Variants in GTF3C1 observed in about 807,000 individuals in gnomAD.
The protein encoded by GTF3C1 is general transcription factor IIIC subunit 1, also known as general transcription factor 3C polypeptide 1.
In GTF3C1, 57 loss-of-function variants were observed where a neutral mutation model predicts 226.7. That is an observed-to-expected ratio of 0.25 (90% confidence interval 0.20 to 0.31). The LOEUF is 0.31. GTF3C1 is among the 10% of genes least tolerant of loss of function. The pLI, the probability that GTF3C1 is intolerant of heterozygous loss-of-function variation, is 1.00. For synonymous variants in GTF3C1, 1,090 were observed against 1,084.8 expected, an observed-to-expected ratio of 1.00 and a Z score of -0.09; for missense variants, 2,217 against 2,776.1, an observed-to-expected ratio of 0.80 and a Z score of 4.53.
At chr16:27,516,798 C>CT (rs1567406811) in intron 6 of GTF3C1, among the ~76,000 whole-genome samples, 1 of 152,050 alleles carries the variant, frequency 6.6e-6, no homozygotes, top group African/African-American at 2.4e-5. Flanking sequence ...ATGCTCGGAT[C>CT]TTTTTTTTAT....
Position 27,488,303 on chromosome 16 carries a change from T to A in GTF3C1, c.3624A>T (p.Arg1208Ser). ...DREPSLDRNR[R>S]VRGGKSQKRK... ...GCTTCTGGCTTTTCCCACCCCTCAC[T>A]CTCCGGTTTCGGTCCAGCGAGGGCT... Residue 1208 changes from arginine (R) to serine (S), a missense_variant, in exon 23 of 37, where the codon AGA (arginine) becomes AGT (serine). By Grantham distance (110) the Arg-to-Ser change is moderately radical. This residue lies in a region of GTF3C1 where 546 missense variants were observed against 663.0 expected (regional missense o/e 0.82). Coordinates refer to ENST00000356183, the MANE Select transcript of GTF3C1 (RefSeq NM_001520.4). The A allele has an allele frequency of 6.2e-7, 1 of 1,614,184 alleles. No individual in the cohort carries two copies. The highest frequency in any genetic ancestry group is 2.2e-5 in the East Asian group (1 of 44,880).
chr16:27,482,568 C>A (rs2088071080), intron 26 of GTF3C1: 1 of 455,986 alleles, frequency 2.2e-6, no homozygotes, highest in Admixed American at 2.3e-5. Context: ...TCACTTGGCA[C>A]AAGTCCTGCC....
At position 27,533,372 on chromosome 16, in the gene GTF3C1, G is replaced by A. The variant is rs1567413414; in HGVS notation, c.768C>T (p.Asp256=). 1 of 1,597,776 alleles carries A rather than the reference G, an allele frequency of 6.3e-7. No homozygotes were observed. The highest frequency in any genetic ancestry group is 1.7e-5 in the Admixed American group (1 of 59,978). ...TGACCGAAAGCTTCTCCATGAGGATGTCGTATTTGCTCCTCCTGCAAGAAA... is the reference window on the plus strand; with the variant it reads ...TGACCGAAAGCTTCTCCATGAGGATATCGTATTTGCTCCTCCTGCAAGAAA... ...RFHVDRRSKY[D]ILMEKLSVML... Residue 256 remains aspartate, a synonymous_variant, in exon 5 of 37, where the codon GAC becomes GAT. Coordinates refer to ENST00000356183, the MANE Select transcript of GTF3C1 (RefSeq NM_001520.4).
chr16:27,546,485 T>TTTAA (rs1555505898), intron 1 of GTF3C1, among the ~76,000 whole-genome samples: 2 of 88,596 alleles, frequency 2.3e-5, no homozygotes, highest in Admixed American at 1.1e-4. Flanking sequence ...TTTTTTTTTT[T>TTTAA]GAAAAAAAAA....
chr16:27,497,541 C>A (rs574832415), intron 14 of GTF3C1, 96 bp downstream of exon 14: 1 of 951,712 alleles, frequency 1.1e-6, no homozygotes, highest in Non-Finnish European at 1.6e-6. Context: ...CTGACTGCGG[C>A]TCGGAGCTCA....
At position 27,497,578 on chromosome 16, in the gene GTF3C1, A is replaced by G. The variant is rs1448214035; in HGVS notation, c.2350+59T>C. The G allele has an allele frequency of 3.5e-6, 5 of 1,423,170 alleles. No individual in the cohort carries two copies. In the Admixed American group the frequency reaches 5.3e-5, roughly 15 times the overall value. The allele number at this position is 1,423,170 out of a possible 1,614,324, so 88.2% of individuals were successfully genotyped here. On this transcript the variant is annotated intron_variant, in intron 14 of 36. Coordinates refer to ENST00000356183, the MANE Select transcript of GTF3C1 (RefSeq NM_001520.4). ...ATGGAGAGGACCAAGTGCCTCAAACATTGTCATACAAACAACAAATCAAAT... is the reference window on the plus strand; with the variant it reads ...ATGGAGAGGACCAAGTGCCTCAAACGTTGTCATACAAACAACAAATCAAAT...
At position 27,461,566 on chromosome 16, in the gene GTF3C1, G is replaced by T; in HGVS notation, c.6118-4C>A. ...TGCAGCCGAGGGACTCCAGGCCCTGGAGACACCAGACACACAGGTTACAGC... is the reference window on the plus strand; with the variant it reads ...TGCAGCCGAGGGACTCCAGGCCCTGTAGACACCAGACACACAGGTTACAGC... On this transcript the variant is annotated splice_region_variant and splice_polypyrimidine_tract_variant and intron_variant, in intron 36 of 36. Transcript: ENST00000356183. This position sits in a 1 kb window ranked among gnomAD's most constrained non-coding sequence, Gnocchi z 5.3. 1 of 1,608,582 alleles carries T rather than the reference G, an allele frequency of 6.2e-7. No homozygotes were observed. The highest frequency in any genetic ancestry group is 8.5e-7 in the Non-Finnish European group (1 of 1,175,646).
chr16:27,539,064 A>G (rs1373421168), intron 2 of GTF3C1, among the ~76,000 whole-genome samples: 1 of 146,700 alleles, frequency 6.8e-6, no homozygotes, highest in Non-Finnish European at 1.5e-5. Flanking sequence ...CAAATATAAG[A>G]GCAGGCACAT....
rs747162933 is a variant in GTF3C1 at position 27,489,591 on chromosome 16, C to T, written c.3293+11G>A. On this transcript the variant is annotated intron_variant, in intron 20 of 36. Transcript: ENST00000356183. ...CAGTCCTGGCCGGCCGCGCTTGGGACGGACACGCACGTGGTGTACTCCAGC... is the reference window on the plus strand; with the variant it reads ...CAGTCCTGGCCGGCCGCGCTTGGGATGGACACGCACGTGGTGTACTCCAGC... The T allele has an allele frequency of 1.6e-5, 26 of 1,598,378 alleles. No homozygotes were observed. Among genetic ancestry groups the T allele is most frequent in the East Asian group, 8.9e-5 (4 of 44,724 alleles).
Position 27,494,766 on chromosome 16 carries a change from G to A in GTF3C1, c.2775C>T (p.Tyr925=), listed in dbSNP as rs2141383593. 1 of 1,611,400 alleles carries A rather than the reference G, an allele frequency of 6.2e-7. No individual in the cohort carries two copies. Among genetic ancestry groups the A allele is most frequent in the South Asian group, 1.1e-5 (1 of 91,028 alleles). Residue 925 remains tyrosine (Y), a synonymous_variant, in exon 16 of 37, where the codon TAC becomes TAT. Coordinates refer to ENST00000356183, the MANE Select transcript of GTF3C1 (RefSeq NM_001520.4). The stretch of plus-strand genomic sequence containing the variant: ...TAATGGCTCCTGTCACCAATACCTT[G>A]TAGCTGACTTGCACAATCTGGATGA... The part of the protein sequence containing the change: ...SIFIQIVQVS[Y]KVDNLEEFLN...
intron 28 of GTF3C1, among the ~76,000 whole-genome samples, chr16:27,477,311 CTTT>C (rs34199607): frequency 6.8e-6 from 1 of 146,570 alleles, no homozygotes; most frequent in African/African-American, 2.5e-5. Flanking sequence ...TTTTCTCTTC[CTTT>C]TTTTTTTTTG....
At chr16:27,532,311 T>A (rs2088928417) in intron 5 of GTF3C1, among the ~76,000 whole-genome samples, 1 of 152,104 alleles carries the variant, frequency 6.6e-6, no homozygotes, top group South Asian at 2.1e-4. Context: ...ATCAGAGAAC[T>A]CCATCGATGC....
At chr16:27,481,319 G>GCCTCC in intron 26 of GTF3C1, 128 bp from the exon 27 acceptor site, 1 of 731,262 alleles carries the variant, frequency 1.4e-6, no homozygotes, top group South Asian at 1.7e-5. Context: ...CTGACCAGGT[G>GCCTCC]CCTCCCCTGG....
chr16:27,502,880 C>T lies in GTF3C1; in HGVS notation c.1886G>A (p.Arg629His), dbSNP rs1317792931. 8 of 1,595,360 alleles carry T rather than the reference C, an allele frequency of 5.0e-6. No individual in the cohort carries two copies. The highest frequency in any genetic ancestry group is 2.3e-5 in the East Asian group (1 of 44,428). ...TTACGTGAATAAACTCTCGATTAAGCGAAGATTGGTGACAGCTTCTATGAT... is the reference window on the plus strand; with the variant it reads ...TTACGTGAATAAACTCTCGATTAAGTGAAGATTGGTGACAGCTTCTATGAT... Reference protein sequence around the residue: ...NLIIEAVTNLRLIESLFTIQK... With the variant: ...NLIIEAVTNLHLIESLFTIQK... Residue 629 changes from arginine to histidine, a missense_variant, in exon 11 of 37, where the codon CGC becomes CAC. Arg to His is a conservative substitution (Grantham distance 29). Transcript: ENST00000356183.
chr16:27,531,269 C>T (rs2088913335), intron 5 of GTF3C1, among the ~76,000 whole-genome samples: 1 of 152,258 alleles, frequency 6.6e-6, no homozygotes, highest in South Asian at 2.1e-4. Context: ...TCCAGCCACA[C>T]AATGTGCCAG....
intron 12 of GTF3C1, among the ~76,000 whole-genome samples, chr16:27,499,134 C>T (rs1453749873): frequency 6.6e-6 from 1 of 152,244 alleles, no homozygotes; most frequent in Non-Finnish European, 1.5e-5. Context: ...GGGCTTCCAT[C>T]TGGAAAAGGT....
rs564857268 is a variant in GTF3C1 at position 27,514,389 on chromosome 16, G to C, written c.974-2488C>G. ...GAAGTATGGGGACAAGGAGACTTTC[G>C]GGACTGTGGACATGAGCAAGAACTA... On this transcript the variant is annotated intron_variant, in intron 6 of 36. Coordinates refer to ENST00000356183, the MANE Select transcript of GTF3C1 (RefSeq NM_001520.4). Among the ~76,000 whole-genome samples the C allele has an allele frequency of 3.9e-5, 6 of 152,246 alleles. No individual in the cohort carries two copies. In the East Asian group the frequency reaches 9.7e-4, roughly 25 times the overall value.
At position 27,461,830 on chromosome 16, in the gene GTF3C1, C is replaced by CGCGG. The variant is rs911769386; in HGVS notation, c.6118-272_6118-269dup. On this transcript the variant is annotated intron_variant, in intron 36 of 36. Transcript: ENST00000356183. This position sits in a 1 kb window ranked among gnomAD's most constrained non-coding sequence, Gnocchi z 5.3. Reference sequence around the variant, plus strand: ...TCATTTGTGGAGGAGAGGCCTGCAGCGCGGGATAAATCCCAGCTTCCTGTG... The same window carrying CGCGG: ...TCATTTGTGGAGGAGAGGCCTGCAGCGCGGGCGGGATAAATCCCAGCTTCCTGTG... 8.2e-6 allele frequency: 4 copies of CGCGG among 487,794 alleles called. No individual in the cohort carries two copies. The highest frequency in any genetic ancestry group is 1.5e-5 in the Non-Finnish European group (4 of 270,618). The allele number at this position is 487,794 out of a possible 1,614,324, so 30.2% of individuals were successfully genotyped here.
At chr16:27,484,413 A>C in intron 24 of GTF3C1, 60 bp from the exon 25 acceptor site, 1 of 1,230,242 alleles carries the variant, frequency 8.1e-7, no homozygotes. Context: ...CATCATGGGG[A>C]ATTACCATAA....
Sources: allele counts gnomAD v4.1 joint callset (sites outside exome capture counted in the v4.1 genomes callset), GRCh38; gene constraint gnomAD v4.1.1; regional missense constraint gnomAD v4.1.1; non-coding constraint Gnocchi (gnomAD v3.1); transcripts MANE v1.5; gene names NCBI Gene and HGNC (gene_info 2026-07-23, HGNC 2026-07-21).